TSPAN9: variants seen among roughly 807,000 people sequenced by gnomAD.
TSPAN9 encodes the protein tetraspanin-9.
In TSPAN9, 16 loss-of-function variants were observed where a neutral mutation model predicts 31.0. The ratio of observed to expected loss-of-function variants is 0.52; its 90% CI spans 0.35 to 0.78. TSPAN9 has a LOEUF of 0.78. Among genes scored for constraint, TSPAN9 ranks in the 30% least tolerant of loss-of-function variants. The probability of loss-of-function intolerance (pLI) is 0.01; values close to 1 mark genes in which losing one functional copy is unlikely to be tolerated. For missense variants in TSPAN9, 272 were observed against 312.5 expected (o/e 0.87, Z 0.98); for synonymous variants, 145 against 121.6 (o/e 1.19, Z -1.27).
chr12:3,082,522 C>T (rs144380994), intron 1 of TSPAN9, among the ~76,000 whole-genome samples: 321 of 152,270 alleles, frequency 2.1e-3, no homozygotes, highest in Middle Eastern at 3.4e-3. Flanking sequence ...TTGGGAGGCC[C>T]TGGGAAGTTT....
At chr12:3,174,159 C>T (rs1167673982) in intron 2 of TSPAN9, 2 of 152,316 alleles carry the variant, frequency 1.3e-5, no homozygotes, top group Non-Finnish European at 2.9e-5. Context: ...CCTTGAACTG[C>T]TGAGCTCAAG....
intron 3 of TSPAN9, among the ~76,000 whole-genome samples, chr12:3,258,370 TC>T (rs1190653224): frequency 6.6e-5 from 10 of 152,084 alleles, no homozygotes; most frequent in African/African-American, 2.4e-4. Context: ...AGGGATATAT[TC>T]TGGGGCCCAG....
At chr12:3,166,181 G>T (rs533664392) in intron 2 of TSPAN9, among the ~76,000 whole-genome samples, 13 of 152,308 alleles carry the variant, frequency 8.5e-5, no homozygotes, top group African/African-American at 3.1e-4. Context: ...CAATATTCAA[G>T]CAGTATTAAG....
At chr12:3,126,295 C>T (rs866693035) in intron 2 of TSPAN9, among the ~76,000 whole-genome samples, 6 of 152,200 alleles carry the variant, frequency 3.9e-5, no homozygotes, top group African/African-American at 7.2e-5. Context: ...TTTGTTGTTG[C>T]GTGAACATCA....
chr12:3,168,273 C>A lies in TSPAN9; in HGVS notation c.-17-32904C>A, dbSNP rs936267205. Among the ~76,000 whole-genome samples the A allele has an allele frequency of 1.3e-5, 2 of 152,210 alleles. No homozygotes were observed. Among genetic ancestry groups the A allele is most frequent in the Admixed American group, 6.5e-5 (1 of 15,286 alleles). On this transcript the variant is annotated intron_variant, in intron 2 of 8. Coordinates refer to ENST00000011898, the MANE Select transcript of TSPAN9 (RefSeq NM_006675.5). The surrounding 1 kb of genome is among the most constrained non-coding windows in gnomAD (Gnocchi z 4.0). ...GCCAGCTCTTTCCAGATGCTTCAAA[C>A]CTTTTTAGTTGCTAAGGTCTTCATA... is the stretch of plus-strand genomic sequence containing the variant.
intron 1 of TSPAN9, among the ~76,000 whole-genome samples, chr12:3,080,945 G>T (rs1035909644): frequency 6.6e-6 from 1 of 152,154 alleles, no homozygotes; most frequent in Admixed American, 6.5e-5. Flanking sequence ...TGGAGGGAGT[G>T]CCCCCTTTTC....
At chr12:3,160,423 T>G (rs913538731) in intron 2 of TSPAN9, among the ~76,000 whole-genome samples, 3 of 152,260 alleles carry the variant, frequency 2.0e-5, no homozygotes, top group Non-Finnish European at 4.4e-5. Flanking sequence ...ATATAGATTT[T>G]TGTGTGGACA....
At chr12:3,079,945 A>T (rs961117018) in intron 1 of TSPAN9, among the ~76,000 whole-genome samples, 2,833 of 140,376 alleles carry the variant, frequency 0.02, 38 homozygotes, top group Non-Finnish European at 0.029. Context: ...AATTAAAAAA[A>T]TTTTTTTTTT....
chr12:3,270,044 G>A (rs193227990), intron 3 of TSPAN9, among the ~76,000 whole-genome samples: 35 of 152,356 alleles, frequency 2.3e-4, no homozygotes, highest in Non-Finnish European at 4.4e-4. Context: ...CCGGCCACAC[G>A]TCATTTTGTG....
intron 3 of TSPAN9, among the ~76,000 whole-genome samples, chr12:3,265,956 A>C (rs1305619805): frequency 6.6e-6 from 1 of 152,156 alleles, no homozygotes. Context: ...CATTTGTGGA[A>C]AGGGTGGGAC....
At chr12:3,149,736 G>A (rs1390105722) in intron 2 of TSPAN9, 1 of 152,234 alleles carries the variant, frequency 6.6e-6, no homozygotes, top group Non-Finnish European at 1.5e-5. Flanking sequence ...CTTGGAGTTA[G>A]AGACATCTGG....
chr12:3,280,551 C>A lies in TSPAN9; in HGVS notation c.432+68C>A. ...GGTGGCGGCCGGTACTTCTAGCTGC[C>A]TTCCCCGGTGACCTGGCCGGGCACC... On this transcript the variant is annotated intron_variant, in intron 6 of 8. Transcript: ENST00000011898. This position sits in a 1 kb window ranked among gnomAD's most constrained non-coding sequence, Gnocchi z 4.5. 1 of 1,449,300 alleles carries A rather than the reference C, an allele frequency of 6.9e-7. No individual in the cohort carries two copies. The highest frequency in any genetic ancestry group is 1.2e-5 in the South Asian group (1 of 84,300). 89.8% of individuals were successfully genotyped at this position (1,449,300 alleles called of 1,614,324 possible).
chr12:3,111,308 A>G (rs2089548275), intron 2 of TSPAN9, among the ~76,000 whole-genome samples: 2 of 152,060 alleles, frequency 1.3e-5, no homozygotes, highest in South Asian at 2.1e-4. Context: ...CTCCTTTGAC[A>G]TTTTTGGTTC....
At chr12:3,177,254 C>T (rs2098356256) in intron 2 of TSPAN9, among the ~76,000 whole-genome samples, 1 of 152,132 alleles carries the variant, frequency 6.6e-6, no homozygotes, top group African/African-American at 2.4e-5. Context: ...TCTCCTGCCT[C>T]AGCCTCCCAA....
intron 2 of TSPAN9, among the ~76,000 whole-genome samples, chr12:3,123,799 G>A (rs1346816639): frequency 1.3e-5 from 2 of 152,176 alleles, no homozygotes; most frequent in East Asian, 1.9e-4. Flanking sequence ...TAGGGAGCTT[G>A]CCCAAGGTCT....
At chr12:3,084,660 T>C (rs1054413678) in intron 2 of TSPAN9, among the ~76,000 whole-genome samples, 2 of 152,368 alleles carry the variant, frequency 1.3e-5, no homozygotes, top group South Asian at 2.1e-4. Flanking sequence ...TTTACAAATG[T>C]CCACAACCAA....
chr12:3,113,434 G>A (rs1018519085), intron 2 of TSPAN9, among the ~76,000 whole-genome samples: 2 of 152,102 alleles, frequency 1.3e-5, no homozygotes, highest in Non-Finnish European at 1.5e-5. Context: ...TGAGAAATTG[G>A]GCTTGTTTCT....
chr12:3,243,016 T>C (rs535500769), intron 3 of TSPAN9, among the ~76,000 whole-genome samples: 23 of 152,282 alleles, frequency 1.5e-4, no homozygotes, highest in Non-Finnish European at 3.2e-4. Flanking sequence ...CTAACCAGTC[T>C]CTGAATCAGC....
intron 3 of TSPAN9, chr12:3,211,783 C>T (rs533048189): frequency 2.1e-5 from 34 of 1,597,216 alleles, no homozygotes; most frequent in East Asian, 1.6e-4. Context: ...GGCTAAAGAC[C>T]GTGGTGATTT....
Sources: gnomAD v4.1 joint callset for allele counts (sites outside exome capture counted in the v4.1 genomes callset) on GRCh38, gnomAD v4.1.1 for gene constraint, Gnocchi (gnomAD v3.1) non-coding constraint, MANE v1.5 for transcripts, NCBI Gene and HGNC (gene_info 2026-07-23, HGNC 2026-07-21) for gene names.